The following RSRC1 variants were observed in gnomAD, a reference collection of about 807,000 sequenced individuals.
RSRC1 encodes the protein serine/Arginine-related protein 53.
A neutral mutation model predicts 49.1 loss-of-function variants in RSRC1; 39 were observed. That is an observed-to-expected ratio of 0.79 (90% CI 0.61 to 1.04). The LOEUF (loss-of-function observed/expected upper bound fraction) is 1.04. RSRC1 is among the 50% of genes least tolerant of loss of function. The pLI is 0.00. For synonymous variants in RSRC1, 143 were observed against 130.8 expected (o/e 1.09, Z -0.63); for missense variants, 388 against 402.4 (o/e 0.96, Z 0.31).
At chr3:158,151,625 A>G (rs962360604) in intron 3 of RSRC1, among the ~76,000 whole-genome samples, 10 of 152,188 alleles carry the variant, frequency 6.6e-5, no homozygotes, top group African/African-American at 1.7e-4. Context: ...AATAAATGCC[A>G]ACTAGGTGGT....
At chr3:158,319,140 C>A (rs576809925) in intron 5 of RSRC1, among the ~76,000 whole-genome samples, 1 of 152,248 alleles carries the variant, frequency 6.6e-6, no homozygotes, top group East Asian at 1.9e-4. Context: ...CACATCCCCA[C>A]CCAAATCTCA....
chr3:158,377,931 G>A (rs1443845864), intron 6 of RSRC1, among the ~76,000 whole-genome samples: 1 of 152,106 alleles, frequency 6.6e-6, no homozygotes, highest in African/African-American at 2.4e-5. Flanking sequence ...AAAGTGCCGG[G>A]ATTACAGGCA....
At chr3:158,398,757 G>A (rs996835028) in intron 6 of RSRC1, among the ~76,000 whole-genome samples, 2 of 151,956 alleles carry the variant, frequency 1.3e-5, no homozygotes, top group African/African-American at 4.8e-5. Flanking sequence ...TTTATTTATT[G>A]TCATGAAGTT....
intron 4 of RSRC1, among the ~76,000 whole-genome samples, chr3:158,282,447 TTTG>T (rs1726239840): frequency 6.6e-6 from 1 of 152,208 alleles, no homozygotes; most frequent in East Asian, 1.9e-4. Flanking sequence ...TCACAGTGGC[TTTG>T]TTTTTTCTGA....
chr3:158,183,304 TAA>T (rs1719736898), intron 3 of RSRC1, among the ~76,000 whole-genome samples: 1 of 152,126 alleles, frequency 6.6e-6, no homozygotes. Context: ...TTTTCAATGC[TAA>T]GTTCAACTAA....
chr3:158,232,950 G>A (rs538294310), intron 4 of RSRC1, among the ~76,000 whole-genome samples: 3 of 152,154 alleles, frequency 2.0e-5, no homozygotes, highest in South Asian at 4.2e-4. Context: ...TTTGAGCTTC[G>A]TCCTCAGTGT....
chr3:158,260,984 T>C (rs902962885), intron 4 of RSRC1, among the ~76,000 whole-genome samples: 1 of 152,200 alleles, frequency 6.6e-6, no homozygotes, highest in African/African-American at 2.4e-5. Flanking sequence ...TTTCCTATTC[T>C]CTTCAGTGTC....
intron 6 of RSRC1, among the ~76,000 whole-genome samples, chr3:158,385,417 A>G (rs1348605244): frequency 2.6e-5 from 4 of 152,188 alleles, no homozygotes; most frequent in African/African-American, 9.6e-5. Flanking sequence ...GAAACACAGG[A>G]GTGACTACCT....
At position 158,509,296 on chromosome 3, in the gene RSRC1, G is replaced by C. The variant is rs911537912; in HGVS notation, c.653-27796G>C. ...TATTAAGTATGACATACATTCAAAAGCCTCTTTAGAAGATATGTAAAGGGC... is the reference window on the plus strand; with the variant it reads ...TATTAAGTATGACATACATTCAAAACCCTCTTTAGAAGATATGTAAAGGGC... On this transcript the variant is annotated intron_variant, in intron 7 of 9. Coordinates refer to ENST00000611884, the MANE Select transcript of RSRC1 (RefSeq NM_001271838.2). Among the ~76,000 whole-genome samples the C allele has an allele frequency of 2.0e-5, 3 of 152,082 alleles. No individual in the cohort carries two copies. In the South Asian group the frequency reaches 6.2e-4, roughly 32 times the overall value.
chr3:158,468,523 C>T (rs1336323358), intron 7 of RSRC1, among the ~76,000 whole-genome samples: 3 of 152,102 alleles, frequency 2.0e-5, no homozygotes, highest in African/African-American at 7.2e-5. Flanking sequence ...TATCTGCAGC[C>T]AAATTTCCCA....
intron 3 of RSRC1, among the ~76,000 whole-genome samples, chr3:158,197,007 C>T (rs1040247343): frequency 5.3e-5 from 8 of 152,028 alleles, no homozygotes; most frequent in East Asian, 1.9e-4. Context: ...AGAATGATGC[C>T]GGCCTCATAA....
rs1553812860 is a variant in RSRC1, at chr3:158,474,923, CGG to C, written c.652+13924_652+13925del. Among the ~76,000 whole-genome samples the C allele has an allele frequency of 2.0e-5, 3 of 151,700 alleles. No individual in the cohort carries two copies. In the South Asian group the frequency reaches 6.2e-4, roughly 32 times the overall value. Reference sequence around the variant, plus strand: ...CACAGTCGTTGTTTTGGAGGGGAGACGGGGGTGGTTGAGATAGGGTCTTGCTT... The same window carrying C: ...CACAGTCGTTGTTTTGGAGGGGAGACGGGTGGTTGAGATAGGGTCTTGCTT... On this transcript the variant is annotated intron_variant, in intron 7 of 9. Coordinates refer to ENST00000611884, the MANE Select transcript of RSRC1 (RefSeq NM_001271838.2).
intron 5 of RSRC1, among the ~76,000 whole-genome samples, chr3:158,308,720 G>T (rs1392405745): frequency 6.6e-6 from 1 of 151,966 alleles, no homozygotes; most frequent in East Asian, 1.9e-4. Flanking sequence ...ATCTGTGGAT[G>T]TCAAGGGCAT....
At chr3:158,360,472 T>A (rs1174235789) in intron 6 of RSRC1, among the ~76,000 whole-genome samples, 2 of 152,168 alleles carry the variant, frequency 1.3e-5, no homozygotes, top group African/African-American at 4.8e-5. Context: ...GGAGACCTTC[T>A]GCCTCCTGCC....
intron 7 of RSRC1, among the ~76,000 whole-genome samples, chr3:158,467,113 T>C (rs1737924904): frequency 6.6e-6 from 1 of 152,176 alleles, no homozygotes; most frequent in Admixed American, 6.5e-5. Flanking sequence ...TTACTCAGAA[T>C]TGCAACACAA....
intron 4 of RSRC1, among the ~76,000 whole-genome samples, chr3:158,263,366 A>G (rs1377913382): frequency 1.3e-5 from 2 of 152,184 alleles, no homozygotes; most frequent in African/African-American, 2.4e-5. Context: ...CATTTCTAGT[A>G]TAAAACTCTA....
intron 5 of RSRC1, among the ~76,000 whole-genome samples, chr3:158,306,621 A>G (rs1465760059): frequency 6.6e-6 from 1 of 151,918 alleles, no homozygotes; most frequent in Non-Finnish European, 1.5e-5. Flanking sequence ...AGAAAATCCT[A>G]TCTCATAATT....
intron 4 of RSRC1, among the ~76,000 whole-genome samples, chr3:158,295,439 T>C (rs1370276426): frequency 6.6e-6 from 1 of 152,144 alleles, no homozygotes; most frequent in South Asian, 2.1e-4. Flanking sequence ...GTTTACATTT[T>C]ATAAAGATTT....
intron 6 of RSRC1, among the ~76,000 whole-genome samples, chr3:158,370,702 CT>C (rs1272855480): frequency 6.6e-6 from 1 of 151,664 alleles, no homozygotes; most frequent in African/African-American, 2.4e-5. Flanking sequence ...ATGAGTAAAG[CT>C]TATATGGATG....
Sources: allele counts gnomAD v4.1 joint callset (sites outside exome capture counted in the v4.1 genomes callset), GRCh38; gene constraint gnomAD v4.1.1; transcripts MANE v1.5; gene names NCBI Gene and HGNC (gene_info 2026-07-23, HGNC 2026-07-21).